ZPBP: variants seen among roughly 807,000 people sequenced by gnomAD.
ZPBP encodes the protein zona pellucida-binding protein 1.
Under a neutral mutation model 44.8 loss-of-function variants are expected in ZPBP, and 26 were observed. The ratio of observed to expected loss-of-function variants is 0.58; its 90% confidence interval spans 0.43 to 0.81. The LOEUF is 0.81. Ranked by LOEUF, ZPBP falls within the 30% of genes least tolerant of loss-of-function variation. ZPBP has a pLI of 0.00. For missense variants in ZPBP, 409 were observed against 434.0 expected, an observed-to-expected ratio of 0.94 and a Z score of 0.51; for synonymous variants, 174 against 153.2, an observed-to-expected ratio of 1.14 and a Z score of -1.00.
At chr7:50,040,954 T>C (rs1439319545) in intron 4 of ZPBP, among the ~76,000 whole-genome samples, 2 of 152,154 alleles carry the variant, frequency 1.3e-5, no homozygotes, top group African/African-American at 4.8e-5. Context: ...CGACCTGGGA[T>C]GCTCAAGCTT....
chr7:50,061,139 CT>C (rs1239616565), intron 3 of ZPBP, among the ~76,000 whole-genome samples: 1 of 152,124 alleles, frequency 6.6e-6, no homozygotes, highest in Non-Finnish European at 1.5e-5. Context: ...CCTCAATAAA[CT>C]GGGCATCAAA....
rs375309741 is a variant in ZPBP at position 50,064,209 on chromosome 7, T to C, written c.335-6068A>G. On this transcript the variant is annotated intron_variant, in intron 3 of 7. Coordinates refer to ENST00000046087, the MANE Select transcript of ZPBP (RefSeq NM_007009.3). ...GCCACAAAAACCAGCAAGTTTTTATTAGGGATTTTCAAAAGGGGAGGGAGT... is the reference window on the plus strand; with the variant it reads ...GCCACAAAAACCAGCAAGTTTTTATCAGGGATTTTCAAAAGGGGAGGGAGT... Among the ~76,000 whole-genome samples the C allele has an allele frequency of 1.4e-3, 218 of 152,216 alleles. 3 individuals carry two copies. Among genetic ancestry groups the C allele is most frequent in the African/African-American group, 5.0e-3 (209 of 41,542 alleles).
chr7:49,885,507 TCG>T (rs1791863146), intron 2 of ZPBP, among the ~76,000 whole-genome samples: 1 of 151,618 alleles, frequency 6.6e-6, no homozygotes. Context: ...AAGGTAAAAC[TCG>T]TTATATAATT....
At chr7:49,854,826 G>A (rs1790348856) in intron 2 of ZPBP, among the ~76,000 whole-genome samples, 1 of 152,150 alleles carries the variant, frequency 6.6e-6, no homozygotes, top group Admixed American at 6.5e-5. Context: ...AGATAAATTG[G>A]TGCACTTGTC....
rs549682991 is a variant in ZPBP at position 50,045,393 on chromosome 7, C to T, written c.487+12596G>A. ...TTGCAGATGACATGATTTTATATTT[C>T]GAAAACCCCATCATCTCAGACCCAA... is the stretch of plus-strand genomic sequence containing the variant. On this transcript the variant is annotated intron_variant, in intron 4 of 7. Coordinates refer to ENST00000046087, the MANE Select transcript of ZPBP (RefSeq NM_007009.3). Among the ~76,000 whole-genome samples, 16 of 152,146 alleles carry T rather than the reference C, an allele frequency of 1.1e-4. No individual in the cohort carries two copies. The East Asian group carries it at 2.7e-3, about 26-fold the overall frequency.
At chr7:50,085,064 C>A (rs1289626707) in intron 2 of ZPBP, among the ~76,000 whole-genome samples, 1 of 152,014 alleles carries the variant, frequency 6.6e-6, no homozygotes, top group East Asian at 1.9e-4. Flanking sequence ...TAGAAATAGT[C>A]TTTACTGAGG....
chr7:50,074,219 A>C (rs143456637), intron 3 of ZPBP, among the ~76,000 whole-genome samples: 1,952 of 152,116 alleles, frequency 0.013, 20 homozygotes, highest in Non-Finnish European at 0.018. Context: ...TCAGGTAAAA[A>C]TATTGGATTA....
chr7:49,971,639 C>G (rs1434846203), intron 7 of ZPBP, among the ~76,000 whole-genome samples: 3 of 151,916 alleles, frequency 2.0e-5, no homozygotes, highest in Admixed American at 2.0e-4. Flanking sequence ...TAAAGAAGAG[C>G]CCAGCAAGAT....
At chr7:49,859,127 G>T (rs1176962805) in intron 2 of ZPBP, among the ~76,000 whole-genome samples, 2 of 152,186 alleles carry the variant, frequency 1.3e-5, no homozygotes, top group Non-Finnish European at 2.9e-5. Context: ...GAATTTCACT[G>T]ATGGGGCATG....
intron 6 of ZPBP, among the ~76,000 whole-genome samples, chr7:49,990,584 G>T (rs1433915385): frequency 2.0e-5 from 3 of 150,072 alleles, no homozygotes; most frequent in African/African-American, 5.0e-5. Flanking sequence ...AACGTCCCCT[G>T]AAAAGAAAAG....
chr7:50,080,052 A>C (rs1802284648), intron 3 of ZPBP, among the ~76,000 whole-genome samples: 1 of 151,786 alleles, frequency 6.6e-6, no homozygotes, highest in African/African-American at 2.4e-5. Flanking sequence ...ATGTACAAGT[A>C]ATCACATAAT....
intron 3 of ZPBP, among the ~76,000 whole-genome samples, chr7:50,065,459 T>G (rs1170935275): frequency 6.6e-6 from 1 of 151,056 alleles, no homozygotes; most frequent in Non-Finnish European, 1.5e-5. Context: ...ATAATATTGT[T>G]GCCTTGGGCA....
intron 3 of ZPBP, among the ~76,000 whole-genome samples, chr7:50,064,227 G>A (rs572295651): frequency 6.6e-6 from 1 of 152,204 alleles, no homozygotes; most frequent in Non-Finnish European, 1.5e-5. Flanking sequence ...TTCAAAAGGG[G>A]AGGGAGTGTG....
intron 7 of ZPBP, among the ~76,000 whole-genome samples, chr7:49,946,973 T>C (rs746792947): frequency 1.3e-5 from 2 of 152,174 alleles, no homozygotes; most frequent in Non-Finnish European, 2.9e-5. Context: ...AATTCTGCTG[T>C]TAAGAGTCTC....
intron 1 of ZPBP, among the ~76,000 whole-genome samples, chr7:49,905,926 T>G (rs1401985822): frequency 6.6e-6 from 1 of 152,204 alleles, no homozygotes; most frequent in Non-Finnish European, 1.5e-5. Context: ...CATGACAGTT[T>G]ACAAATGCCA....
intron 6 of ZPBP, among the ~76,000 whole-genome samples, chr7:49,984,744 G>C (rs1181308540): frequency 6.6e-6 from 1 of 152,224 alleles, no homozygotes; most frequent in Non-Finnish European, 1.5e-5. Context: ...CGAGGCCTGG[G>C]GATTGGGGAC....
chr7:49,862,013 A>G (rs1433535096), intron 2 of ZPBP, among the ~76,000 whole-genome samples: 2 of 152,212 alleles, frequency 1.3e-5, no homozygotes, highest in East Asian at 3.8e-4. Flanking sequence ...TTTCCATAAA[A>G]AATGGTTGTT....
intron 4 of ZPBP, among the ~76,000 whole-genome samples, chr7:50,044,133 C>T (rs575737712): frequency 1.1e-4 from 17 of 152,230 alleles, no homozygotes; most frequent in Admixed American, 3.3e-4. Flanking sequence ...AAAGACACAA[C>T]GTACCAGAAT....
intron 2 of ZPBP, among the ~76,000 whole-genome samples, chr7:49,854,357 C>A (rs1208463634): frequency 6.6e-6 from 1 of 152,174 alleles, no homozygotes; most frequent in African/African-American, 2.4e-5. Flanking sequence ...TATTTCCCCA[C>A]ATCCTCTCCA....
Sources: allele counts gnomAD v4.1 joint callset (sites outside exome capture counted in the v4.1 genomes callset), GRCh38; gene constraint gnomAD v4.1.1; transcripts MANE v1.5; gene names NCBI Gene and HGNC (gene_info 2026-07-23, HGNC 2026-07-21).